The following BAIAP2L1 variants were observed in gnomAD, a reference collection of about 807,000 sequenced individuals.
BAIAP2L1 encodes BAR/IMD domain-containing adapter protein 2-like 1.
Under a neutral mutation model 66.3 loss-of-function variants are expected in BAIAP2L1, and 35 were observed. That is an observed-to-expected ratio of 0.53 (90% CI 0.40 to 0.70). The LOEUF is 0.70. Among genes scored for constraint, BAIAP2L1 ranks in the 30% least tolerant of loss-of-function variants. The pLI is 0.00. For synonymous variants in BAIAP2L1, 269 were observed against 248.7 expected (o/e 1.08, Z -0.77); for missense variants, 622 against 656.9 (o/e 0.95, Z 0.58).
intron 1 of BAIAP2L1, chr7:98,400,115 C>A (rs147085961): frequency 0.024 from 3,603 of 151,162 alleles, 55 homozygotes; most frequent in South Asian, 0.051. Context: ...GTCACTGATT[C>A]CAAGAAGTTG....
At chr7:98,307,917 G>A (rs371020581) in intron 9 of BAIAP2L1, 21 bp from the exon 10 acceptor site, 3 of 1,612,186 alleles carry the variant, frequency 1.9e-6, no homozygotes, top group African/African-American at 1.3e-5. Context: ...GAGTGTAGCA[G>A]TAATGGCTTT....
At chr7:98,352,191 C>T (rs753514200) in intron 3 of BAIAP2L1, among the ~76,000 whole-genome samples, 55 of 151,666 alleles carry the variant, frequency 3.6e-4, no homozygotes, top group Non-Finnish European at 1.8e-4. Context: ...TGGAGCCAGT[C>T]AAGGAAGTAA....
At chr7:98,303,833 C>T (rs1800525333) in intron 12 of BAIAP2L1, among the ~76,000 whole-genome samples, 2 of 152,200 alleles carry the variant, frequency 1.3e-5, no homozygotes, top group Non-Finnish European at 2.9e-5. Context: ...TTAATGTAAG[C>T]CTCTCTTCAG....
chr7:98,369,202 C>T (rs1802455752), intron 1 of BAIAP2L1, among the ~76,000 whole-genome samples: 1 of 152,236 alleles, frequency 6.6e-6, no homozygotes, highest in South Asian at 2.1e-4. Flanking sequence ...TTATTACAGG[C>T]CATGCGTGGT....
chr7:98,313,737 G>A (rs1339596730), intron 7 of BAIAP2L1, among the ~76,000 whole-genome samples: 4 of 151,344 alleles, frequency 2.6e-5, no homozygotes, highest in African/African-American at 9.7e-5. Flanking sequence ...TTCCACCTCA[G>A]CCTCCTGAGT....
intron 8 of BAIAP2L1, 138 bp downstream of exon 8, chr7:98,311,954 AAAGGT>A: frequency 1.3e-6 from 1 of 791,038 alleles, no homozygotes; most frequent in Non-Finnish European, 2.0e-6. Context: ...CTTCGCCCCT[AAAGGT>A]AAGGGGATAG....
intron 3 of BAIAP2L1, among the ~76,000 whole-genome samples, chr7:98,331,212 A>G (rs1461716676): frequency 6.6e-6 from 1 of 152,208 alleles, no homozygotes; most frequent in Non-Finnish European, 1.5e-5. Context: ...AGAACAAAAA[A>G]TGAAACAGAA....
intron 3 of BAIAP2L1, among the ~76,000 whole-genome samples, chr7:98,352,081 C>CT (rs11390193): frequency 0.39 from 57,102 of 147,966 alleles, 12,104 homozygotes; most frequent in Middle Eastern, 0.55. Flanking sequence ...TATCTTTGGT[C>CT]TTTTTTTTTT....
At chr7:98,315,157 TG>T (rs1224813614) in intron 7 of BAIAP2L1, among the ~76,000 whole-genome samples, 1 of 152,228 alleles carries the variant, frequency 6.6e-6, no homozygotes, top group Non-Finnish European at 1.5e-5. Flanking sequence ...GGTCCCGCTC[TG>T]TTGCTCAGGT....
At chr7:98,306,293 CTG>C in intron 11 of BAIAP2L1, 144 bp downstream of exon 11, 1 of 981,732 alleles carries the variant, frequency 1.0e-6, no homozygotes, top group African/African-American at 1.6e-5. Flanking sequence ...GCAGACAGCA[CTG>C]TGAGCCGCGG....
intron 1 of BAIAP2L1, among the ~76,000 whole-genome samples, chr7:98,381,521 T>C (rs1431794057): frequency 6.6e-6 from 1 of 152,194 alleles, no homozygotes; most frequent in Admixed American, 6.5e-5. Flanking sequence ...TCTTTGGGCT[T>C]AGCCTGTCAT....
chr7:98,294,260 T>C lies in BAIAP2L1; in HGVS notation c.1423-149A>G, dbSNP rs565462844. 1.5e-5 allele frequency: 11 copies of C among 754,816 alleles called. No individual in the cohort carries two copies. The East Asian group carries it at 3.0e-4, about 21-fold the overall frequency. The allele number at this position is 754,816 out of a possible 1,614,324, so 46.8% of individuals were successfully genotyped here. On this transcript the variant is annotated intron_variant, in intron 12 of 13. Coordinates refer to ENST00000005260, the MANE Select transcript of BAIAP2L1 (RefSeq NM_018842.5). ...CTTCCACCTTGGCCTCCTAATGTGC[T>C]GGGACTACAGGTGTGAGCCGCTGCG... is the stretch of plus-strand genomic sequence containing the variant.
At chr7:98,315,298 T>A (rs937708636) in intron 7 of BAIAP2L1, among the ~76,000 whole-genome samples, 162 bp downstream of exon 7, 10 of 152,094 alleles carry the variant, frequency 6.6e-5, no homozygotes, top group African/African-American at 2.2e-4. Flanking sequence ...GTTTTTTTTT[T>A]ATTATTTTTT....
rs565709143 is a variant in BAIAP2L1, at chr7:98,337,525, G to A, written c.215-17227C>T. 9.2e-5 allele frequency among the ~76,000 whole-genome samples: 14 copies of A among 152,128 alleles called. No individual in the cohort carries two copies. The South Asian group carries it at 1.0e-3, about 11-fold the overall frequency. ...TGTGTGAACAGTTGAGGAGAATAAG[G>A]CAGCAATCAGATGTTAATGGCATTG... is the stretch of plus-strand genomic sequence containing the variant. On this transcript the variant is annotated intron_variant, in intron 3 of 13. Transcript: ENST00000005260.
chr7:98,386,923 T>G (rs1184297662), intron 1 of BAIAP2L1, among the ~76,000 whole-genome samples: 6 of 151,916 alleles, frequency 3.9e-5, no homozygotes, highest in Non-Finnish European at 7.4e-5. Context: ...ATGGTCTTGA[T>G]CTCTTGACTT....
At chr7:98,372,646 T>C (rs1394938303) in intron 1 of BAIAP2L1, among the ~76,000 whole-genome samples, 4 of 152,056 alleles carry the variant, frequency 2.6e-5, no homozygotes, top group Non-Finnish European at 5.9e-5. Flanking sequence ...ATCACAAATG[T>C]TCAAACCAAT....
At chr7:98,319,891 G>A (rs541952711) in intron 5 of BAIAP2L1, among the ~76,000 whole-genome samples, 167 bp downstream of exon 5, 3 of 152,168 alleles carry the variant, frequency 2.0e-5, no homozygotes, top group Admixed American at 6.6e-5. Context: ...AGCGAAAACC[G>A]GCCCACACAG....
At chr7:98,326,401 G>A (rs1801382627) in intron 3 of BAIAP2L1, among the ~76,000 whole-genome samples, 3 of 152,130 alleles carry the variant, frequency 2.0e-5, no homozygotes, top group Admixed American at 1.3e-4. Context: ...AAATAACAAC[G>A]GCACCACATC....
intron 12 of BAIAP2L1, among the ~76,000 whole-genome samples, chr7:98,296,974 G>A (rs570502069): frequency 6.6e-6 from 1 of 152,314 alleles, no homozygotes; most frequent in South Asian, 2.1e-4. Context: ...TTTCCTTGCA[G>A]TGGGGGACAC....
Sources: gnomAD v4.1 joint callset for allele counts (sites outside exome capture counted in the v4.1 genomes callset) on GRCh38, gnomAD v4.1.1 for gene constraint, MANE v1.5 for transcripts, NCBI Gene and HGNC (gene_info 2026-07-23, HGNC 2026-07-21) for gene names.